Variants in HECTD4 observed in about 807,000 individuals in gnomAD.
HECTD4 encodes the protein HECT domain E3 ubiquitin protein ligase 4.
In HECTD4, 114 loss-of-function variants were observed where a neutral mutation model predicts 471.5. That is an observed-to-expected ratio of 0.24 (90% CI 0.21 to 0.28). HECTD4 has a LOEUF of 0.28. Among genes scored for constraint, HECTD4 ranks in the 10% least tolerant of loss-of-function variants. The pLI, the probability that HECTD4 is intolerant of heterozygous loss-of-function variation, is 1.00. For missense variants in HECTD4, 3,866 were observed against 5,651.5 expected (o/e 0.68, Z 10.13); for synonymous variants, 2,012 against 2,256.0 (o/e 0.89, Z 3.07).
rs770846164 is a variant in HECTD4, at chr12:112,248,494, G to A, written c.3969C>T (p.Asp1323=). 1.1e-5 allele frequency: 17 copies of A among 1,604,866 alleles called. No individual in the cohort carries two copies. The highest frequency in any genetic ancestry group is 1.3e-5 in the African/African-American group (1 of 74,602). The change falls in exon 26 of 76, where the codon GAC becomes GAT. Residue 1323 remains aspartate (D), a synonymous_variant. Coordinates refer to ENST00000682272, the MANE Select transcript of HECTD4 (RefSeq NM_001388303.1). Reference sequence around the variant, plus strand: ...AAGATACCACCATTTCCTCCATCACGTCTGGCTGAATCACTTCTCTGTGAT... The same window carrying A: ...AAGATACCACCATTTCCTCCATCACATCTGGCTGAATCACTTCTCTGTGAT... The part of the protein sequence containing the change: ...RPSIKEVIQP[D]VMEEMVVSCV...
rs954763798 is a variant in HECTD4 at position 112,381,607 on chromosome 12, G to GGGGGA, written c.177+340_177+344dup. Among the ~76,000 whole-genome samples the GGGGGA allele has an allele frequency of 3.9e-5, 6 of 152,174 alleles. No homozygotes were observed. The highest frequency in any genetic ancestry group is 9.7e-5 in the African/African-American group (4 of 41,444). ...CTGGAAGTGGGTCCTGGGGGCCCGT[G>GGGGGA]GGGGAGGGGAGGGAGGGCCCGGGTG... is the stretch of plus-strand genomic sequence containing the variant. On this transcript the variant is annotated intron_variant, in intron 1 of 75. Coordinates refer to ENST00000682272, the MANE Select transcript of HECTD4 (RefSeq NM_001388303.1). The surrounding 1 kb of genome is among the most constrained non-coding windows in gnomAD (Gnocchi z 4.1).
chr12:112,332,919 C>T (rs2035872235), intron 1 of HECTD4, among the ~76,000 whole-genome samples: 1 of 151,908 alleles, frequency 6.6e-6, no homozygotes, highest in South Asian at 2.1e-4. Flanking sequence ...TATAGATTTG[C>T]CTATTCTTTA....
intron 7 of HECTD4, among the ~76,000 whole-genome samples, chr12:112,299,623 A>AAAACAAACAAACAAAC (rs10699631): frequency 2.0e-5 from 3 of 151,406 alleles, no homozygotes; most frequent in Non-Finnish European, 2.9e-5. Context: ...TCTGTCTCAA[A>AAAACAAACAAACAAAC]AAACAAACAA....
Position 112,307,588 on chromosome 12 carries a change from T to A in HECTD4, c.1164+1165A>T, listed in dbSNP as rs186337898. On this transcript the variant is annotated intron_variant, in intron 6 of 75. Coordinates refer to ENST00000682272, the MANE Select transcript of HECTD4 (RefSeq NM_001388303.1). ...CACTTGTGACAAGAAATTAGGTTAATTGGGCATCTATTTGTTAATTTGTTC... is the reference window on the plus strand; with the variant it reads ...CACTTGTGACAAGAAATTAGGTTAAATGGGCATCTATTTGTTAATTTGTTC... 2.7e-4 allele frequency among the ~76,000 whole-genome samples: 41 copies of A among 152,356 alleles called. No individual in the cohort carries two copies. The East Asian group carries it at 4.6e-3, about 17-fold the overall frequency.
chr12:112,179,886 A>T lies in HECTD4; in HGVS notation c.10988-489T>A, dbSNP rs1193761920. 6.6e-6 allele frequency among the ~76,000 whole-genome samples: 1 copy of T among 152,230 alleles called. No individual in the cohort carries two copies. Among genetic ancestry groups the T allele is most frequent in the Non-Finnish European group, 1.5e-5 (1 of 68,034 alleles). ...TACAACTTGTTAAACAGGTGATCTC[A>T]TTCATAGGAAATATTCTTCAAAACT... On this transcript the variant is annotated intron_variant, in intron 62 of 75. Coordinates refer to ENST00000682272, the MANE Select transcript of HECTD4 (RefSeq NM_001388303.1). The surrounding 1 kb of genome is among the most constrained non-coding windows in gnomAD (Gnocchi z 4.3).
intron 64 of HECTD4, among the ~76,000 whole-genome samples, chr12:112,177,841 T>G (rs1445886262): frequency 1.3e-5 from 2 of 152,152 alleles, no homozygotes. Flanking sequence ...ATAGAAAGGG[T>G]TCTTCCCAAA....
Position 112,194,934 on chromosome 12 carries a change from C to T in HECTD4, c.8700G>A (p.Leu2900=). Residue 2900 remains leucine (L), a synonymous_variant, in exon 56 of 76, where the codon CTG becomes CTA. Transcript: ENST00000682272. The surrounding 1 kb of genome is among the most constrained non-coding windows in gnomAD (Gnocchi z 4.6). The stretch of plus-strand genomic sequence containing the variant: ...GATTGGACAGCAGTTGCAGGTGCTC[C>T]AGGGTAATGTCCCGGATGGCAGGGA... ...FHIPAIRDIT[L]EHLQLLSNQL... is the part of the protein sequence containing the mutation. The T allele has an allele frequency of 1.2e-6, 2 of 1,609,762 alleles. No homozygotes were observed. Among genetic ancestry groups the T allele is most frequent in the Non-Finnish European group, 1.7e-6 (2 of 1,178,196 alleles).
chr12:112,276,348 A>G (rs1176272159), intron 9 of HECTD4, among the ~76,000 whole-genome samples: 6 of 152,210 alleles, frequency 3.9e-5, no homozygotes, highest in African/African-American at 1.4e-4. Context: ...ACACAATTTA[A>G]TAAGACTAAT....
intron 2 of HECTD4, among the ~76,000 whole-genome samples, chr12:112,316,039 C>T (rs1024544196): frequency 1.3e-5 from 2 of 152,022 alleles, no homozygotes; most frequent in African/African-American, 4.8e-5. Context: ...ATCCAGCCTT[C>T]AATCAGATTT....
chr12:112,174,720 T>C, intron 66 of HECTD4, among the ~76,000 whole-genome samples: 1 of 152,044 alleles, frequency 6.6e-6, no homozygotes, highest in East Asian at 1.9e-4. Flanking sequence ...ATGTGCCCCA[T>C]GCCCGGCTAA....
rs568543938 is a variant in HECTD4, at chr12:112,228,029, C to T, written c.6854+60G>A. On this transcript the variant is annotated intron_variant, in intron 43 of 75. Coordinates refer to ENST00000682272, the MANE Select transcript of HECTD4 (RefSeq NM_001388303.1). This position sits in a 1 kb window ranked among gnomAD's most constrained non-coding sequence, Gnocchi z 4.9. ...GGGAGTGGAGGGGCCCACCAAGGAT[C>T]CCTTCTTCTGTCAGCTTGCACCATG... is the stretch of plus-strand genomic sequence containing the variant. 1.4e-6 allele frequency: 2 copies of T among 1,467,698 alleles called. No individual in the cohort carries two copies. The highest frequency in any genetic ancestry group is 2.9e-5 in the African/African-American group (2 of 69,718). The allele number at this position is 1,467,698 out of a possible 1,614,324, so 90.9% of individuals were successfully genotyped here.
At chr12:112,333,377 TG>T (rs1163777308) in intron 1 of HECTD4, among the ~76,000 whole-genome samples, 1 of 152,280 alleles carries the variant, frequency 6.6e-6, no homozygotes, top group Non-Finnish European at 1.5e-5. Flanking sequence ...TATGTATTTC[TG>T]ATTATAGTCA....
chr12:112,326,458 A>G (rs1330963097), intron 1 of HECTD4, among the ~76,000 whole-genome samples: 2 of 152,216 alleles, frequency 1.3e-5, no homozygotes, highest in African/African-American at 4.8e-5. Flanking sequence ...GCACCACTGC[A>G]TTCCAACCTG....
chr12:112,366,854 T>G (rs997652869), intron 1 of HECTD4, among the ~76,000 whole-genome samples: 1 of 138,528 alleles, frequency 7.2e-6, no homozygotes, highest in African/African-American at 2.7e-5. Context: ...CACTTCAGCC[T>G]GGGCAACAAG....
intron 7 of HECTD4, among the ~76,000 whole-genome samples, chr12:112,304,991 C>T (rs1479475506): frequency 6.6e-6 from 1 of 152,086 alleles, no homozygotes; most frequent in South Asian, 2.1e-4. Flanking sequence ...CTGTAAATTA[C>T]CTCATGAAAA....
In HECTD4 at chr12:112,163,721, T is replaced by C. The variant is rs967065546; in HGVS notation, c.12718A>G (p.Ile4240Val). Residue 4240 changes from isoleucine to valine, a missense_variant, in exon 74 of 76, where the codon ATC (isoleucine) becomes GTC (valine). Physicochemically the swap from Ile to Val is conservative, Grantham distance 29. Coordinates refer to ENST00000682272, the MANE Select transcript of HECTD4 (RefSeq NM_001388303.1). This position sits in a 1 kb window ranked among gnomAD's most constrained non-coding sequence, Gnocchi z 8.2. ...HILVAWENKDIYAAAIRSLRL... is the reference protein window; with the variant it reads ...HILVAWENKDVYAAAIRSLRL... ...AGGCTCCGGATGGCTGCCGCGTAGA[T>C]GTCCTTGTTCTCCCACCTGCCCGGG... 19 of 1,484,332 alleles carry C rather than the reference T, an allele frequency of 1.3e-5. No individual in the cohort carries two copies. The Admixed American group carries it at 2.6e-4, about 20-fold the overall frequency. 91.9% of individuals were successfully genotyped at this position (1,484,332 alleles called of 1,614,324 possible).
chr12:112,304,626 A>G (rs1489923071), intron 7 of HECTD4, among the ~76,000 whole-genome samples: 1 of 152,042 alleles, frequency 6.6e-6, no homozygotes, highest in Non-Finnish European at 1.5e-5. Flanking sequence ...TGCTCAGCCA[A>G]GACCTAAATG....
At chr12:112,180,691 T>G (rs896729918) in intron 62 of HECTD4, among the ~76,000 whole-genome samples, 2 of 152,038 alleles carry the variant, frequency 1.3e-5, no homozygotes, top group African/African-American at 4.8e-5. Context: ...AAATTCAGTA[T>G]CTAAGTATGA....
chr12:112,229,515 G>C (rs2033322033), intron 41 of HECTD4, among the ~76,000 whole-genome samples, 183 bp downstream of exon 41: 2 of 152,200 alleles, frequency 1.3e-5, no homozygotes, highest in Non-Finnish European at 2.9e-5. Flanking sequence ...ATTAATATCT[G>C]AATAATGTGT....
Sources: allele counts gnomAD v4.1 joint callset (sites outside exome capture counted in the v4.1 genomes callset), GRCh38; gene constraint gnomAD v4.1.1; non-coding constraint Gnocchi (gnomAD v3.1); transcripts MANE v1.5; gene names NCBI Gene and HGNC (gene_info 2026-07-23, HGNC 2026-07-21).